PDE9A: variants seen among roughly 807,000 people sequenced by gnomAD.
The protein encoded by PDE9A is phosphodiesterase 9A.
In PDE9A, 60 loss-of-function variants were observed where a neutral mutation model predicts 87.4. The ratio of observed to expected loss-of-function variants is 0.69; its 90% CI spans 0.56 to 0.85. The LOEUF (loss-of-function observed/expected upper bound fraction) is 0.85. Ranked by LOEUF, PDE9A falls within the 40% of genes least tolerant of loss-of-function variation. The pLI, the probability that PDE9A is intolerant of heterozygous loss-of-function variation, is 0.00. For missense variants in PDE9A, 665 were observed against 779.0 expected, an observed-to-expected ratio of 0.85 and a Z score of 1.74; for synonymous variants, 272 against 279.4, an observed-to-expected ratio of 0.97 and a Z score of 0.27.
At chr21:42,774,643 A>G (rs577073705) in intron 19 of PDE9A, among the ~76,000 whole-genome samples, 74 of 152,156 alleles carry the variant, frequency 4.9e-4, no homozygotes, top group African/African-American at 1.7e-3. Flanking sequence ...GAACTTTGGG[A>G]GGCTGAGGTG....
intron 3 of PDE9A, among the ~76,000 whole-genome samples, chr21:42,688,215 T>C (rs1008573141): frequency 5.3e-5 from 8 of 152,164 alleles, no homozygotes; most frequent in African/African-American, 1.9e-4. Context: ...GCCGTGGCTC[T>C]GCACCTGCTT....
chr21:42,668,831 T>G (rs1306838610), intron 1 of PDE9A, among the ~76,000 whole-genome samples: 1 of 150,546 alleles, frequency 6.6e-6, no homozygotes, highest in Non-Finnish European at 1.5e-5. Flanking sequence ...TGGGTAGCCG[T>G]GTCCTGCGCA....
chr21:42,690,816 G>A (rs1268703182), intron 3 of PDE9A, among the ~76,000 whole-genome samples: 4 of 151,950 alleles, frequency 2.6e-5, no homozygotes, highest in African/African-American at 7.3e-5. Context: ...CTGTACCCAC[G>A]CCCGCACCAT....
Position 42,659,876 on chromosome 21 carries a change from G to A in PDE9A, c.69+5993G>A, listed in dbSNP as rs963622717. 4.6e-5 allele frequency among the ~76,000 whole-genome samples: 7 copies of A among 152,318 alleles called. No homozygotes were observed. Among genetic ancestry groups the A allele is most frequent in the East Asian group, 1.9e-4 (1 of 5,184 alleles). On this transcript the variant is annotated intron_variant, in intron 1 of 19. Coordinates refer to ENST00000291539, the MANE Select transcript of PDE9A (RefSeq NM_002606.3). The surrounding 1 kb of genome is among the most constrained non-coding windows in gnomAD (Gnocchi z 4.1). ...TCGTTGTCAGCGAGGTAAATCTAGCGCAGAGGAAGGGCACACTGTCCCCGT... is the reference window on the plus strand; with the variant it reads ...TCGTTGTCAGCGAGGTAAATCTAGCACAGAGGAAGGGCACACTGTCCCCGT...
At chr21:42,668,331 A>T (rs2058146711) in intron 1 of PDE9A, among the ~76,000 whole-genome samples, 1 of 152,128 alleles carries the variant, frequency 6.6e-6, no homozygotes, top group African/African-American at 2.4e-5. Flanking sequence ...TGCAGCAGAG[A>T]CAGACAGAGG....
intron 1 of PDE9A, among the ~76,000 whole-genome samples, chr21:42,656,005 A>C (rs1405937348): frequency 6.6e-6 from 1 of 152,232 alleles, no homozygotes; most frequent in African/African-American, 2.4e-5. Flanking sequence ...CTGCACACCC[A>C]GCAGTGCTGT....
chr21:42,699,581 G>A (rs1251444207), intron 4 of PDE9A, among the ~76,000 whole-genome samples: 1 of 148,792 alleles, frequency 6.7e-6, no homozygotes, highest in Non-Finnish European at 1.5e-5. Context: ...AAAAAACGGA[G>A]TCTGGTCCTG....
In PDE9A at chr21:42,731,238, G is replaced by A. The variant is rs561873444; in HGVS notation, c.263-532G>A. ...CTCCCAAAGTGCTGGGATTACAGGC[G>A]TGAGCCACTGCGCCCAGCGCAGCTT... is the stretch of plus-strand genomic sequence containing the variant. On this transcript the variant is annotated intron_variant, in intron 4 of 19. Transcript: ENST00000291539. Among the ~76,000 whole-genome samples the A allele has an allele frequency of 3.3e-4, 50 of 152,364 alleles. 1 individual carries two copies. Among genetic ancestry groups the A allele is most frequent in the South Asian group, 1.9e-3 (9 of 4,832 alleles).
At chr21:42,714,015 A>ATT (rs1387946440) in intron 4 of PDE9A, among the ~76,000 whole-genome samples, 2 of 74,516 alleles carry the variant, frequency 2.7e-5, no homozygotes, top group African/African-American at 1.4e-4. Context: ...TTTTCATTCC[A>ATT]ATTTTTTTTT....
chr21:42,755,339 C>T (rs1569253245), intron 10 of PDE9A, among the ~76,000 whole-genome samples: 1 of 152,228 alleles, frequency 6.6e-6, no homozygotes, highest in Non-Finnish European at 1.5e-5. Flanking sequence ...TGTGCATGGT[C>T]TCCCAGCAGG....
intron 1 of PDE9A, among the ~76,000 whole-genome samples, chr21:42,663,888 C>G (rs574272300): frequency 1.3e-5 from 2 of 152,316 alleles, no homozygotes; most frequent in South Asian, 4.1e-4. Context: ...CTGGAATCTC[C>G]CAGGTGTTGA....
chr21:42,771,268 C>T (rs938240194), intron 18 of PDE9A, among the ~76,000 whole-genome samples: 7 of 152,346 alleles, frequency 4.6e-5, no homozygotes, highest in Non-Finnish European at 8.8e-5. Flanking sequence ...GAACACACAC[C>T]GGCACCTCTC....
intron 10 of PDE9A, chr21:42,758,741 A>G: frequency 2.3e-6 from 1 of 438,114 alleles, no homozygotes; most frequent in Non-Finnish European, 4.1e-6. Context: ...TCCACGCCCC[A>G]GGATCCACCT....
chr21:42,725,902 C>T (rs536261687), intron 4 of PDE9A, among the ~76,000 whole-genome samples: 1 of 152,278 alleles, frequency 6.6e-6, no homozygotes, highest in South Asian at 2.1e-4. Context: ...TTTTGAAGAA[C>T]CTACCAGACT....
intron 10 of PDE9A, among the ~76,000 whole-genome samples, chr21:42,755,006 A>C (rs2054874842): frequency 6.6e-6 from 1 of 152,234 alleles, no homozygotes. Context: ...TTGCTGAAAA[A>C]TACAAGAATG....
chr21:42,666,830 G>A (rs1413681343), intron 1 of PDE9A, among the ~76,000 whole-genome samples: 2 of 152,214 alleles, frequency 1.3e-5, no homozygotes, highest in African/African-American at 4.8e-5. Context: ...TGGGAAGTGG[G>A]AATGACCTCT....
intron 4 of PDE9A, among the ~76,000 whole-genome samples, chr21:42,712,097 T>C (rs1194545261): frequency 6.6e-6 from 1 of 152,130 alleles, no homozygotes. Flanking sequence ...TGACTTTGAT[T>C]ACTATTTTAT....
At chr21:42,676,683 G>T (rs1017477671) in intron 1 of PDE9A, among the ~76,000 whole-genome samples, 3 of 152,140 alleles carry the variant, frequency 2.0e-5, no homozygotes, top group African/African-American at 7.2e-5. Context: ...GAGGGCATCC[G>T]ACTCATCTCT....
intron 4 of PDE9A, among the ~76,000 whole-genome samples, chr21:42,730,757 G>A (rs1393233373): frequency 6.6e-6 from 1 of 152,028 alleles, no homozygotes; most frequent in Non-Finnish European, 1.5e-5. Context: ...TATTTAATGA[G>A]TCTCCATTGG....
Sources: gnomAD v4.1 joint callset for allele counts (sites outside exome capture counted in the v4.1 genomes callset) on GRCh38, gnomAD v4.1.1 for gene constraint, Gnocchi (gnomAD v3.1) non-coding constraint, MANE v1.5 for transcripts, NCBI Gene and HGNC (gene_info 2026-07-23, HGNC 2026-07-21) for gene names.